PRRG3: variants seen among roughly 807,000 people sequenced by gnomAD.
The protein encoded by PRRG3 is transmembrane gamma-carboxyglutamic acid protein 3.
PRRG3 carries 21 observed loss-of-function variants against 15.8 expected under a neutral mutation model. The observed-to-expected ratio is 1.33, with a 90% CI of 0.94 to 1.92. PRRG3 has a LOEUF of 1.92. Ranked by LOEUF, PRRG3 falls within the 40% of genes most tolerant of loss-of-function variation. The pLI, the probability that PRRG3 is intolerant of heterozygous loss-of-function variation, is 0.00. For missense variants in PRRG3, 251 were observed against 200.2 expected (o/e 1.25, Z -1.53); for synonymous variants, 125 against 84.1 (o/e 1.49, Z -2.66).
rs1569423139 is a variant in PRRG3 at position 151,703,927 on chromosome X, TG to T, written c.*2895del. 1.3e-3 allele frequency: 101 copies of T among 79,577 alleles called. 3 individuals carry two copies. Among genetic ancestry groups the T allele is most frequent in the African/African-American group, 4.8e-3 (95 of 19,736 alleles). 6.6% of individuals were successfully genotyped at this position (79,577 alleles called of 1,213,427 possible). A position where few individuals can be genotyped will look rare whatever the true frequency, so the allele number is the denominator to read the frequency against. On this transcript the variant is annotated 3_prime_UTR_variant, in exon 4 of 4. Transcript: ENST00000674457. ...TTTTTTTTTTTTGTGTGTGTGTGTG[TG>T]TGTGTGTGTGTGTGTGTGTGTGTGT...
At chrX:151,696,065 G>T (rs2014755099) in intron 1 of PRRG3, among the ~76,000 whole-genome samples, 1 of 111,323 alleles carries the variant, frequency 9.0e-6, no homozygotes, top group South Asian at 3.9e-4. Flanking sequence ...GTGGTGGCCA[G>T]TTCCCTGCCT....
rs936755669 is a variant in PRRG3, at chrX:151,698,651, G to A, written c.-31-133G>A. The A allele has an allele frequency of 4.2e-5, 18 of 431,197 alleles. No individual in the cohort carries two copies. The African/African-American group carries it at 4.2e-4, about 10-fold the overall frequency. 35.5% of individuals were successfully genotyped at this position (431,197 alleles called of 1,213,427 possible). On this transcript the variant is annotated intron_variant, in intron 1 of 3. Transcript: ENST00000674457. ...AGCCATGGGTGGCTGCATGGAGGAC[G>A]ACGCACCCCACAAGGTGCTGCTTCA...
chrX:151,700,567 C>G lies in PRRG3; in HGVS notation c.230C>G (p.Ser77Ter). ...VYSVRDPSQS[S>*]DAMYVVVPLL... The stretch of plus-strand genomic sequence containing the variant: ...TCTGTCCGAGACCCCTCGCAGAGCT[C>G]AGATGCCATGTATGTGGTGGTACCC... The change falls in exon 4 of 4, where the codon TCA (serine) becomes TGA (stop). Residue 77 changes from serine (S) to a stop codon, truncating the protein, a stop_gained. Transcript: ENST00000674457. LOFTEE classifies it high-confidence loss of function. 8.3e-7 allele frequency: 1 copy of G among 1,209,944 alleles called. No individual in the cohort carries two copies.
rs2014952242 is a variant in PRRG3, at chrX:151,704,862, T to A, written c.*3829T>A. On this transcript the variant is annotated 3_prime_UTR_variant, in exon 4 of 4. Coordinates refer to ENST00000674457, the MANE Select transcript of PRRG3 (RefSeq NM_001372163.1). ...GTAATCAGACTGCTTGCAACTATTT[T>A]AAAAGCCCATTAATTTGAAGCCCAC... 1 of 117,319 alleles carries A rather than the reference T, an allele frequency of 8.5e-6. No individual in the cohort carries two copies. The highest frequency in any genetic ancestry group is 3.3e-5 in the African/African-American group (1 of 30,444). 9.7% of individuals were successfully genotyped at this position (117,319 alleles called of 1,213,427 possible). A position where few individuals can be genotyped will look rare whatever the true frequency, so the allele number is the denominator to read the frequency against.
intron 3 of PRRG3, 79 bp from the exon 4 acceptor site, chrX:151,700,427 G>A (rs1203825030): frequency 8.9e-6 from 10 of 1,120,205 alleles, no homozygotes; most frequent in South Asian, 2.1e-5. Flanking sequence ...GGGAAGGGTA[G>A]GAAGCACCAG....
In PRRG3 at chrX:151,703,970, C is replaced by T. The variant is rs1301568604; in HGVS notation, c.*2937C>T. On this transcript the variant is annotated 3_prime_UTR_variant, in exon 4 of 4. Coordinates refer to ENST00000674457, the MANE Select transcript of PRRG3 (RefSeq NM_001372163.1). ...TGTGTGTGTATGGAAAGATGTGTGA[C>T]TATTGACTTTGGGTATCGCGGGACT... The T allele has an allele frequency of 1.2e-5, 1 of 81,950 alleles. No individual in the cohort carries two copies. The highest frequency in any genetic ancestry group is 4.5e-5 in the African/African-American group (1 of 22,015). The allele number at this position is 81,950 out of a possible 1,213,427, so 6.8% of individuals were successfully genotyped here. A position where few individuals can be genotyped will look rare whatever the true frequency, so the allele number is the denominator to read the frequency against.
intron 1 of PRRG3, among the ~76,000 whole-genome samples, chrX:151,696,908 C>A (rs955348565): frequency 2.0e-4 from 22 of 112,120 alleles, no homozygotes; most frequent in African/African-American, 6.8e-4. Flanking sequence ...AAAGAGAAAG[C>A]CCCTTGATGT....
chrX:151,700,204 A>T (rs1198018859), intron 3 of PRRG3, 48 bp downstream of exon 3: 3 of 1,209,107 alleles, frequency 2.5e-6, no homozygotes, highest in Non-Finnish European at 2.2e-6. Flanking sequence ...TAGCCTCAGG[A>T]ATAGCAAGAA....
intron 3 of PRRG3, 171 bp downstream of exon 3, chrX:151,700,327 C>G (rs4469605): frequency 0.25 from 287,922 of 1,141,835 alleles, 27,680 homozygotes; most frequent in East Asian, 0.65. Context: ...TTGCCTGACT[C>G]TTTTGGGGTC....
At position 151,700,921 on chromosome X, in the gene PRRG3, A is replaced by C; in HGVS notation, c.584A>C (p.Glu195Ala). 1 of 1,210,685 alleles carries C rather than the reference A, an allele frequency of 8.3e-7. No individual in the cohort carries two copies. The highest frequency in any genetic ancestry group is 1.1e-6 in the Non-Finnish European group (1 of 894,996). ...LSSTTPPPSY[E>A]EVTAPQESSS... ...AGCACCACCCCTCCCCCCTCCTACGAGGAGGTGACTGCGCCCCAAGAGAGC... is the reference window on the plus strand; with the variant it reads ...AGCACCACCCCTCCCCCCTCCTACGCGGAGGTGACTGCGCCCCAAGAGAGC... Residue 195 changes from glutamate to alanine, a missense_variant, in exon 4 of 4, where the codon GAG becomes GCG. Coordinates refer to ENST00000674457, the MANE Select transcript of PRRG3 (RefSeq NM_001372163.1).
intron 1 of PRRG3, 96 bp downstream of exon 1, chrX:151,695,640 T>A (rs1328058530): frequency 2.7e-5 from 3 of 110,688 alleles, no homozygotes; most frequent in African/African-American, 9.9e-5. Context: ...GGAGGGAAGA[T>A]CTAGAGGCCT....
chrX:151,695,880 A>G (rs2014751578), intron 1 of PRRG3, among the ~76,000 whole-genome samples: 1 of 111,283 alleles, frequency 9.0e-6, no homozygotes. Context: ...CCTGGCGATC[A>G]GTTCTGAGGG....
At chrX:151,697,106 C>T (rs201961085) in intron 1 of PRRG3, among the ~76,000 whole-genome samples, 683 of 42,847 alleles carry the variant, frequency 0.016, 8 homozygotes, top group African/African-American at 0.053. Context: ...CTCCCTCCCT[C>T]CCTTCCTTCC....
At position 151,701,724 on chromosome X, in the gene PRRG3, G is replaced by C. The variant is rs1313052091; in HGVS notation, c.*691G>C. On this transcript the variant is annotated 3_prime_UTR_variant, in exon 4 of 4. Coordinates refer to ENST00000674457, the MANE Select transcript of PRRG3 (RefSeq NM_001372163.1). ...CAGGGTGTGTGAAGGATGAGGGCCA[G>C]AGGGCTGGGTGGCAGAGTTTCCTCT... 1 of 112,131 alleles carries C rather than the reference G, an allele frequency of 8.9e-6. No homozygotes were observed. Among genetic ancestry groups the C allele is most frequent in the African/African-American group, 3.2e-5 (1 of 30,822 alleles). The allele number at this position is 112,131 out of a possible 1,213,427, so 9.2% of individuals were successfully genotyped here.
Position 151,705,442 on chromosome X carries a change from TACTGATATCTG to T in PRRG3, c.*4414_*4424del, listed in dbSNP as rs747547193. 7.7e-5 allele frequency: 26 copies of T among 336,589 alleles called. No individual in the cohort carries two copies. The highest frequency in any genetic ancestry group is 6.1e-4 in the African/African-American group (23 of 37,466). 27.7% of individuals were successfully genotyped at this position (336,589 alleles called of 1,213,427 possible). The stretch of plus-strand genomic sequence containing the variant: ...CAATGCCTCAACAGTTGTTTCACTG[TACTGATATCTG>T]ACTGCTGAACAGTGCCTGCCCTTCA... On this transcript the variant is annotated 3_prime_UTR_variant, in exon 4 of 4. Coordinates refer to ENST00000674457, the MANE Select transcript of PRRG3 (RefSeq NM_001372163.1).
In PRRG3 at chrX:151,704,666, T is replaced by C. The variant is rs2014949384; in HGVS notation, c.*3633T>C. On this transcript the variant is annotated 3_prime_UTR_variant, in exon 4 of 4. Transcript: ENST00000674457. ...ATGTGTGGACACTCACAGTTGAGGC[T>C]GAGATGGATATCTTGGCAGCAGAGC... The C allele has an allele frequency of 1.8e-5, 2 of 111,851 alleles. No individual in the cohort carries two copies. The highest frequency in any genetic ancestry group is 3.8e-5 in the Non-Finnish European group (2 of 53,287). The allele number at this position is 111,851 out of a possible 1,213,427, so 9.2% of individuals were successfully genotyped here.
Position 151,704,520 on chromosome X carries a change from GA to G in PRRG3, c.*3489del, listed in dbSNP as rs763647302. ...CAACCCAGTGACATCCCATGAGAAG[GA>G]AGAAAAAAAATTCAACACTGCCTCT... On this transcript the variant is annotated 3_prime_UTR_variant, in exon 4 of 4. Transcript: ENST00000674457. 1.8e-5 allele frequency: 2 copies of G among 111,166 alleles called. No individual in the cohort carries two copies. Among genetic ancestry groups the G allele is most frequent in the African/African-American group, 3.3e-5 (1 of 30,546 alleles). 9.2% of individuals were successfully genotyped at this position (111,166 alleles called of 1,213,427 possible).
At chrX:151,698,864 C>T in intron 2 of PRRG3, 43 bp downstream of exon 2, 2 of 1,156,376 alleles carry the variant, frequency 1.7e-6, no homozygotes, top group Admixed American at 2.3e-5. Context: ...AGGGCCATGC[C>T]TAGGGGTTCA....
In PRRG3 at chrX:151,703,672, C is replaced by A. The variant is rs747900920; in HGVS notation, c.*2639C>A. 15 of 110,411 alleles carry A rather than the reference C, an allele frequency of 1.4e-4. No homozygotes were observed. The highest frequency in any genetic ancestry group is 2.8e-4 in the Non-Finnish European group (15 of 52,864). The allele number at this position is 110,411 out of a possible 1,213,427, so 9.1% of individuals were successfully genotyped here. A position where few individuals can be genotyped will look rare whatever the true frequency, so the allele number is the denominator to read the frequency against. ...GGCATTAACTATATTGGACACCCAA[C>A]CCCCAAAGTTGTCACTGTTTGCCTC... On this transcript the variant is annotated 3_prime_UTR_variant, in exon 4 of 4. Coordinates refer to ENST00000674457, the MANE Select transcript of PRRG3 (RefSeq NM_001372163.1).
Sources: allele counts gnomAD v4.1 joint callset (sites outside exome capture counted in the v4.1 genomes callset), GRCh38; gene constraint gnomAD v4.1.1; transcripts MANE v1.5; gene names NCBI Gene and HGNC (gene_info 2026-07-23, HGNC 2026-07-21).